MEF2C: variants seen among roughly 807,000 people sequenced by gnomAD.
MEF2C encodes the protein myocyte-specific enhancer factor 2C.
MEF2C carries 6 observed loss-of-function variants against 50.5 expected under a neutral mutation model. The ratio of observed to expected loss-of-function variants is 0.12; its 90% CI spans 0.07 to 0.23. MEF2C has a LOEUF of 0.23. Among genes scored for constraint, MEF2C ranks in the 10% least tolerant of loss-of-function variants. The probability of loss-of-function intolerance (pLI) is 1.00; values close to 1 mark genes in which losing one functional copy is unlikely to be tolerated. For missense variants in MEF2C, 276 were observed against 605.0 expected (o/e 0.46, Z 5.70); for synonymous variants, 183 against 228.0 (o/e 0.80, Z 1.78).
At chr5:88,842,671 TA>T (rs1817807965) in intron 1 of MEF2C, among the ~76,000 whole-genome samples, 1 of 152,134 alleles carries the variant, frequency 6.6e-6, no homozygotes. Flanking sequence ...TAACTTTCAT[TA>T]AGTATGTTGA....
chr5:88,902,401 G>A (rs1312492515), intron 1 of MEF2C, among the ~76,000 whole-genome samples: 2 of 151,666 alleles, frequency 1.3e-5, no homozygotes, highest in Non-Finnish European at 3.0e-5. Flanking sequence ...AGTATATTTG[G>A]GTTTTAATGT....
intron 6 of MEF2C, chr5:88,748,681 G>T: frequency 1.4e-6 from 1 of 700,024 alleles, no homozygotes; most frequent in Non-Finnish European, 1.8e-6. Context: ...CTTTAGAAAT[G>T]CATAGAAGTT....
intron 6 of MEF2C, among the ~76,000 whole-genome samples, chr5:88,745,751 G>T (rs1394558866): frequency 6.6e-6 from 1 of 152,182 alleles, no homozygotes; most frequent in Non-Finnish European, 1.5e-5. Flanking sequence ...GGAGATTGAG[G>T]CTGCAGTGAG....
At chr5:88,784,875 T>G (rs938124003) in intron 3 of MEF2C, among the ~76,000 whole-genome samples, 1 of 152,186 alleles carries the variant, frequency 6.6e-6, no homozygotes, top group Non-Finnish European at 1.5e-5. Flanking sequence ...GAATTCAGCT[T>G]GGTAATTACT....
chr5:88,799,835 C>G (rs946921886), intron 3 of MEF2C, among the ~76,000 whole-genome samples: 2 of 151,490 alleles, frequency 1.3e-5, no homozygotes, highest in Non-Finnish European at 2.9e-5. Flanking sequence ...CTCCATCTCC[C>G]TATGTCCCTT....
intron 2 of MEF2C, 60 bp downstream of exon 2, chr5:88,823,675 A>T: frequency 6.9e-7 from 1 of 1,449,898 alleles, no homozygotes; most frequent in Non-Finnish European, 9.5e-7. Flanking sequence ...TGTACCCTTA[A>T]CATATGTGGA....
intron 1 of MEF2C, among the ~76,000 whole-genome samples, chr5:88,832,156 G>C (rs1314391666): frequency 6.6e-6 from 1 of 152,120 alleles, no homozygotes; most frequent in African/African-American, 2.4e-5. Context: ...TACAGCTGCA[G>C]AGGTACTAGC....
At chr5:88,760,247 C>A (rs1777240421) in intron 4 of MEF2C, among the ~76,000 whole-genome samples, 1 of 152,204 alleles carries the variant, frequency 6.6e-6, no homozygotes, top group Non-Finnish European at 1.5e-5. Flanking sequence ...CAAAATAATA[C>A]ATGCAGTTAT....
At chr5:88,729,408 T>C (rs1760415377) in intron 8 of MEF2C, 61 bp from the exon 9 acceptor site, 2 of 1,404,058 alleles carry the variant, frequency 1.4e-6, no homozygotes, top group Non-Finnish European at 2.0e-6. Context: ...AAATATTAGA[T>C]TTCAGTATTA....
intron 3 of MEF2C, among the ~76,000 whole-genome samples, chr5:88,799,917 G>C (rs13185050): frequency 0.094 from 4,192 of 44,404 alleles, 68 homozygotes; most frequent in Non-Finnish European, 0.18. Context: ...CACACACAGA[G>C]AGAGAGACAC....
chr5:88,800,192 G>A (rs1006625435), intron 3 of MEF2C, among the ~76,000 whole-genome samples: 1 of 152,074 alleles, frequency 6.6e-6, no homozygotes, highest in African/African-American at 2.4e-5. Flanking sequence ...AGGATTTTGT[G>A]GTTACAAAAC....
chr5:88,879,616 T>C (rs1832193443), intron 1 of MEF2C, among the ~76,000 whole-genome samples: 1 of 152,126 alleles, frequency 6.6e-6, no homozygotes, highest in Non-Finnish European at 1.5e-5. Flanking sequence ...AAATGTCTAA[T>C]GCATTTAAGC....
At chr5:88,865,859 A>G (rs1021142083) in intron 1 of MEF2C, among the ~76,000 whole-genome samples, 2 of 151,784 alleles carry the variant, frequency 1.3e-5, no homozygotes, top group African/African-American at 4.8e-5. Context: ...CAAATAACAC[A>G]TTGAATCCCC....
intron 3 of MEF2C, among the ~76,000 whole-genome samples, chr5:88,788,345 C>T (rs1486699909): frequency 2.0e-5 from 3 of 151,910 alleles, no homozygotes; most frequent in East Asian, 1.9e-4. Flanking sequence ...GGATTACAAG[C>T]GTGTGCCATC....
At chr5:88,730,500 G>GA (rs370988334) in intron 7 of MEF2C, among the ~76,000 whole-genome samples, 55 of 150,672 alleles carry the variant, frequency 3.7e-4, no homozygotes, top group African/African-American at 1.3e-3. Flanking sequence ...CATTTTGAAG[G>GA]AAAAAAAAAG....
chr5:88,865,887 T>G (rs1400322718), intron 1 of MEF2C, among the ~76,000 whole-genome samples: 2 of 151,948 alleles, frequency 1.3e-5, no homozygotes, highest in Non-Finnish European at 2.9e-5. Flanking sequence ...TAAGTCACAT[T>G]TCTTTTCTTT....
chr5:88,739,596 C>G (rs1765627691), intron 6 of MEF2C: 2 of 984,712 alleles, frequency 2.0e-6, no homozygotes, highest in African/African-American at 3.5e-5. Flanking sequence ...CTGGAAGTGA[C>G]AGTTGAAAAA....
intron 1 of MEF2C, among the ~76,000 whole-genome samples, chr5:88,899,788 T>G (rs1015914989): frequency 6.6e-6 from 1 of 152,156 alleles, no homozygotes; most frequent in African/African-American, 2.4e-5. Context: ...TGTTAAATGG[T>G]TTGTTGATTA....
At chr5:88,761,021 T>A (rs768109265) in intron 4 of MEF2C, 164 bp downstream of exon 4, 1 of 1,611,252 alleles carries the variant, frequency 6.2e-7, no homozygotes, top group Non-Finnish European at 8.5e-7. Context: ...TATTATCAAA[T>A]TCTTCATTAA....
Sources: allele counts gnomAD v4.1 joint callset (sites outside exome capture counted in the v4.1 genomes callset), GRCh38; gene constraint gnomAD v4.1.1; transcripts MANE v1.5; gene names NCBI Gene and HGNC (gene_info 2026-07-23, HGNC 2026-07-21).